The following ADGRL2 variants were observed in gnomAD, a reference collection of about 807,000 sequenced individuals.
ADGRL2 encodes the protein adhesion G protein-coupled receptor L2.
Under a neutral mutation model 157.4 loss-of-function variants are expected in ADGRL2, and 44 were observed. That is an observed-to-expected ratio of 0.28 (90% CI 0.22 to 0.36). ADGRL2 has a LOEUF of 0.36. ADGRL2 is among the 10% of genes least tolerant of loss of function. The pLI is 1.00. For synonymous variants in ADGRL2, 585 were observed against 624.7 expected (o/e 0.94, Z 0.95); for missense variants, 1,510 against 1,768.9 (o/e 0.85, Z 2.63).
chr1:81,610,977 A>G (rs1343372852), intron 3 of ADGRL2, among the ~76,000 whole-genome samples: 1 of 152,196 alleles, frequency 6.6e-6, no homozygotes, highest in African/African-American at 2.4e-5. Flanking sequence ...ATCAACATGT[A>G]TATTAGGAAC....
intron 3 of ADGRL2, among the ~76,000 whole-genome samples, chr1:81,610,894 G>A (rs1366603515): frequency 6.6e-6 from 1 of 152,214 alleles, no homozygotes; most frequent in Non-Finnish European, 1.5e-5. Flanking sequence ...CTACTAAGAT[G>A]CAGAGGATTG....
chr1:81,861,647 A>C (rs371975561), intron 2 of ADGRL2, among the ~76,000 whole-genome samples: 77 of 152,294 alleles, frequency 5.1e-4, no homozygotes, highest in African/African-American at 1.8e-3. Context: ...CCAGCCCTTC[A>C]GGAGGCTGAG....
At chr1:81,330,545 G>A (rs1661202279) in intron 1 of ADGRL2, among the ~76,000 whole-genome samples, 1 of 152,116 alleles carries the variant, frequency 6.6e-6, no homozygotes, top group African/African-American at 2.4e-5. Flanking sequence ...TACTTATCTG[G>A]AGAATTTGTA....
At chr1:81,690,548 C>T (rs974680368) in intron 3 of ADGRL2, among the ~76,000 whole-genome samples, 5 of 152,168 alleles carry the variant, frequency 3.3e-5, no homozygotes, top group East Asian at 1.9e-4. Flanking sequence ...TCATTTAATC[C>T]GGGACTATCT....
At chr1:81,692,999 G>C (rs2083373063) in intron 3 of ADGRL2, among the ~76,000 whole-genome samples, 1 of 152,050 alleles carries the variant, frequency 6.6e-6, no homozygotes, top group South Asian at 2.1e-4. Context: ...TTGAACCCCT[G>C]GTGTAAAAGG....
At chr1:81,404,174 A>C (rs1387521739) in intron 1 of ADGRL2, among the ~76,000 whole-genome samples, 1 of 152,156 alleles carries the variant, frequency 6.6e-6, no homozygotes, top group Non-Finnish European at 1.5e-5. Context: ...CAGCATGGTG[A>C]AGCTGTAACA....
intron 2 of ADGRL2, among the ~76,000 whole-genome samples, chr1:81,785,674 G>A (rs1243382254): frequency 6.6e-6 from 1 of 151,976 alleles, no homozygotes; most frequent in Non-Finnish European, 1.5e-5. Flanking sequence ...AGGGCCTTGA[G>A]CTATGATCAT....
intron 1 of ADGRL2, among the ~76,000 whole-genome samples, chr1:81,340,675 G>A (rs1299323659): frequency 1.2e-4 from 18 of 152,050 alleles, no homozygotes; most frequent in Non-Finnish European, 1.5e-5. Context: ...AAATTAAATC[G>A]ATGGTGCTGA....
intron 2 of ADGRL2, among the ~76,000 whole-genome samples, chr1:81,541,982 C>A (rs2148330690): frequency 6.6e-6 from 1 of 152,188 alleles, no homozygotes; most frequent in East Asian, 1.9e-4. Flanking sequence ...AAAGAAATCT[C>A]TTTTCCAAAC....
chr1:81,882,511 T>C (rs768321845), intron 2 of ADGRL2, among the ~76,000 whole-genome samples: 3 of 152,178 alleles, frequency 2.0e-5, no homozygotes, highest in Non-Finnish European at 2.9e-5. Context: ...TTGAAGAACA[T>C]ACACATTAAC....
At chr1:81,604,868 C>T (rs1237856707) in intron 3 of ADGRL2, among the ~76,000 whole-genome samples, 1 of 152,108 alleles carries the variant, frequency 6.6e-6, no homozygotes, top group East Asian at 1.9e-4. Flanking sequence ...TGTTCTAAAC[C>T]ACAACACAGA....
upstream of ADGRL2, among the ~76,000 whole-genome samples, chr1:81,695,768 C>T (rs987822148): frequency 4.0e-5 from 6 of 151,604 alleles, no homozygotes; most frequent in African/African-American, 1.5e-4. Context: ...TTGCAGTGAG[C>T]CGAGAGATTA....
intron 3 of ADGRL2, among the ~76,000 whole-genome samples, chr1:81,924,755 A>G (rs2095066098): frequency 1.3e-5 from 2 of 152,180 alleles, no homozygotes; most frequent in South Asian, 2.1e-4. Flanking sequence ...GAATTTCGCT[A>G]CTATAATTCC....
chr1:81,799,773 T>C (rs1299250652), upstream of ADGRL2, among the ~76,000 whole-genome samples: 2 of 152,164 alleles, frequency 1.3e-5, no homozygotes, highest in African/African-American at 4.8e-5. Flanking sequence ...AATCATTTTT[T>C]TCTTGAAAAA....
intron 3 of ADGRL2, among the ~76,000 whole-genome samples, chr1:81,913,639 A>G (rs1377545391): frequency 6.6e-6 from 1 of 152,172 alleles, no homozygotes; most frequent in Non-Finnish European, 1.5e-5. Flanking sequence ...AATTCCCTTT[A>G]ATTACACTTG....
chr1:81,966,060 C>G lies in ADGRL2; in HGVS notation c.2020C>G (p.Leu674Val), dbSNP rs1228909918. Residue 674 changes from leucine to valine, a missense_variant and splice_region_variant, in exon 12 of 24, where the codon CTG becomes GTG. This residue lies in a region of ADGRL2 where 325 missense variants were observed against 333.2 expected (regional missense o/e 0.98). Coordinates refer to ENST00000686636, the MANE Select transcript of ADGRL2 (RefSeq NM_001366006.2). ...RVSMPTENIV[L>V]EVAVLSTEGQ... ...CCTTTATCTTTTCCCTCATCCAGTC[C>G]TGGAAGTTGCCGTACTCAGTACAGA... 6.2e-7 allele frequency: 1 copy of G among 1,613,654 alleles called. No individual in the cohort carries two copies. The highest frequency in any genetic ancestry group is 1.7e-5 in the Admixed American group (1 of 59,970).
intron 2 of ADGRL2, among the ~76,000 whole-genome samples, chr1:81,874,958 C>A (rs1284497129): frequency 1.3e-5 from 2 of 152,114 alleles, no homozygotes; most frequent in Non-Finnish European, 2.9e-5. Context: ...CCACCCACCT[C>A]AGCCTCCCAA....
chr1:81,634,626 C>T (rs2082080801), intron 3 of ADGRL2, among the ~76,000 whole-genome samples: 1 of 151,736 alleles, frequency 6.6e-6, no homozygotes, highest in Non-Finnish European at 1.5e-5. Context: ...CTTCTGCCTC[C>T]TGGGTTCCAG....
At position 81,950,202 on chromosome 1, in the gene ADGRL2, T is replaced by G; in HGVS notation, c.1224T>G (p.Ala408=). Residue 408 remains alanine (A), a synonymous_variant, in exon 7 of 24, where the codon GCT becomes GCG. Transcript: ENST00000686636. ...TTTTTTCCATAGTGCCTACCACAGC[T>G]GTGACAATAACTTCTTCAGCTGAGC... ...PPDPAQVPTT[A]VTITSSAELF... 1 of 1,613,862 alleles carries G rather than the reference T, an allele frequency of 6.2e-7. No homozygotes were observed. The highest frequency in any genetic ancestry group is 8.5e-7 in the Non-Finnish European group (1 of 1,179,792).
Sources: gnomAD v4.1 joint callset for allele counts (sites outside exome capture counted in the v4.1 genomes callset) on GRCh38, gnomAD v4.1.1 for gene constraint, gnomAD v4.1.1 regional missense constraint, MANE v1.5 for transcripts, NCBI Gene and HGNC (gene_info 2026-07-23, HGNC 2026-07-21) for gene names.